CDH18: variants seen among roughly 807,000 people sequenced by gnomAD.
The protein encoded by CDH18 is cadherin 18.
Under a neutral mutation model 67.9 loss-of-function variants are expected in CDH18, and 31 were observed. The ratio of observed to expected loss-of-function variants is 0.46; its 90% CI spans 0.34 to 0.62. The LOEUF is 0.62. Ranked by LOEUF, CDH18 falls within the 20% of genes least tolerant of loss-of-function variation. The pLI, the probability that CDH18 is intolerant of heterozygous loss-of-function variation, is 0.01. For missense variants in CDH18, 890 were observed against 975.5 expected (o/e 0.91, Z 1.17); for synonymous variants, 362 against 347.2 (o/e 1.04, Z -0.48).
At chr5:19,475,252 T>TA (rs113750582) in intron 12 of CDH18, among the ~76,000 whole-genome samples, 2,834 of 150,312 alleles carry the variant, frequency 0.019, 88 homozygotes, top group African/African-American at 0.065. Flanking sequence ...TACATTCTTA[T>TA]AAACCCATTT....
intron 4 of CDH18, among the ~76,000 whole-genome samples, chr5:19,737,022 T>C (rs1013348570): frequency 2.0e-5 from 3 of 152,202 alleles, no homozygotes; most frequent in Admixed American, 6.5e-5. Flanking sequence ...GACTGATCAA[T>C]GAAAACCAGT....
intron 2 of CDH18, among the ~76,000 whole-genome samples, chr5:20,040,048 CA>C (rs1375776916): frequency 6.6e-6 from 1 of 151,978 alleles, no homozygotes; most frequent in Non-Finnish European, 1.5e-5. Flanking sequence ...AGCATATGAA[CA>C]GACACTTTTC....
intron 1 of CDH18, among the ~76,000 whole-genome samples, chr5:20,371,521 A>G (rs1201223462): frequency 6.6e-6 from 1 of 152,200 alleles, no homozygotes; most frequent in Non-Finnish European, 1.5e-5. Context: ...TGATCAGAGT[A>G]GCACATTTGT....
intron 1 of CDH18, among the ~76,000 whole-genome samples, chr5:20,345,251 TGTATATTGGG>T (rs150780214): frequency 0.17 from 26,291 of 152,080 alleles, 2,732 homozygotes; most frequent in East Asian, 0.28. Context: ...GGTTGTAATT[TGTATATTGGG>T]GTATATTGGG....
chr5:19,936,933 C>G (rs1281026771), intron 2 of CDH18, among the ~76,000 whole-genome samples: 1 of 151,034 alleles, frequency 6.6e-6, no homozygotes, highest in African/African-American at 2.4e-5. Context: ...TTGTGATTTT[C>G]AGTTTCAAAA....
intron 2 of CDH18, among the ~76,000 whole-genome samples, chr5:19,967,530 T>C (rs980359496): frequency 1.3e-5 from 2 of 152,140 alleles, no homozygotes; most frequent in Non-Finnish European, 2.9e-5. Flanking sequence ...TAAACTTTAA[T>C]GTTACTAAGC....
intron 1 of CDH18, among the ~76,000 whole-genome samples, chr5:20,496,907 A>G (rs943202328): frequency 6.6e-6 from 1 of 152,120 alleles, no homozygotes; most frequent in Non-Finnish European, 1.5e-5. Context: ...CAAATTTTAC[A>G]AAAATAAAAA....
At chr5:20,486,964 G>A (rs1011271072) in intron 1 of CDH18, among the ~76,000 whole-genome samples, 4 of 152,116 alleles carry the variant, frequency 2.6e-5, no homozygotes, top group Non-Finnish European at 4.4e-5. Context: ...GCTGCCTTCC[G>A]GCAGTGGTTG....
intron 2 of CDH18, among the ~76,000 whole-genome samples, chr5:19,899,373 C>T (rs1010286704): frequency 2.0e-5 from 3 of 148,288 alleles, no homozygotes; most frequent in African/African-American, 7.5e-5. Context: ...GCACTCCAGC[C>T]TGGGTGACAG....
intron 1 of CDH18, among the ~76,000 whole-genome samples, chr5:20,441,097 T>C (rs1749572384): frequency 6.6e-6 from 1 of 151,754 alleles, no homozygotes; most frequent in African/African-American, 2.4e-5. Flanking sequence ...CTCTCCAAGA[T>C]AAAAATAGGG....
intron 2 of CDH18, among the ~76,000 whole-genome samples, chr5:20,187,918 T>G (rs1212190887): frequency 6.6e-6 from 1 of 151,752 alleles, no homozygotes; most frequent in African/African-American, 2.4e-5. Context: ...AACATATAAA[T>G]ATATATTAAA....
At chr5:20,561,616 G>T (rs2126647838) in intron 1 of CDH18, among the ~76,000 whole-genome samples, 1 of 152,078 alleles carries the variant, frequency 6.6e-6, no homozygotes, top group Non-Finnish European at 1.5e-5. Context: ...AATAGGTCAA[G>T]CATAGAAGAT....
chr5:20,320,276 A>T (rs1283730706), intron 1 of CDH18, among the ~76,000 whole-genome samples: 3 of 152,194 alleles, frequency 2.0e-5, no homozygotes, highest in Non-Finnish European at 4.4e-5. Flanking sequence ...TCTTTTATAT[A>T]AGGTACATTT....
chr5:19,950,691 G>A (rs77398875), intron 2 of CDH18, among the ~76,000 whole-genome samples: 1,850 of 152,016 alleles, frequency 0.012, 53 homozygotes, highest in African/African-American at 0.042. Context: ...AGTTGATATC[G>A]AGAAATAATT....
chr5:20,359,377 A>G (rs1460861650), intron 1 of CDH18, among the ~76,000 whole-genome samples: 1 of 152,220 alleles, frequency 6.6e-6, no homozygotes, highest in South Asian at 2.1e-4. Flanking sequence ...TAAAGATTAG[A>G]ATTTCATTTT....
chr5:19,473,580 G>GAT lies in CDH18; in HGVS notation c.2017_2018dup (p.Thr674SerfsTer4). ...CAGCAGAAGGATTCCTCAAGGCTGTGATGTCAAAGGCCTCTGTGTCTTCCT... is the reference window on the plus strand; with the variant it reads ...CAGCAGAAGGATTCCTCAAGGCTGTGATATGTCAAAGGCCTCTGTGTCTTCCT... On this transcript the variant is annotated frameshift_variant, in exon 13 of 13. Transcript: ENST00000382275. LOFTEE classifies it high-confidence loss of function. The GAT allele has an allele frequency of 6.2e-7, 1 of 1,613,850 alleles. No individual in the cohort carries two copies. The highest frequency in any genetic ancestry group is 8.5e-7 in the Non-Finnish European group (1 of 1,179,872).
chr5:19,481,220 C>T (rs1360817198), intron 12 of CDH18, among the ~76,000 whole-genome samples: 1 of 152,156 alleles, frequency 6.6e-6, no homozygotes, highest in African/African-American at 2.4e-5. Context: ...CATTATCTCT[C>T]TACATATATT....
intron 2 of CDH18, among the ~76,000 whole-genome samples, chr5:20,234,922 C>T (rs943435909): frequency 6.6e-6 from 1 of 151,962 alleles, no homozygotes; most frequent in Non-Finnish European, 1.5e-5. Flanking sequence ...AAGAAAACTG[C>T]AATTGGGGAA....
At chr5:19,586,200 T>C (rs1461685125) in intron 7 of CDH18, among the ~76,000 whole-genome samples, 2 of 152,204 alleles carry the variant, frequency 1.3e-5, no homozygotes, top group Non-Finnish European at 2.9e-5. Context: ...TTTATTTTTT[T>C]ATTTTCAACT....
Sources: gnomAD v4.1 joint callset for allele counts (sites outside exome capture counted in the v4.1 genomes callset) on GRCh38, gnomAD v4.1.1 for gene constraint, MANE v1.5 for transcripts, NCBI Gene and HGNC (gene_info 2026-07-23, HGNC 2026-07-21) for gene names.